Variants in PLCB1 observed in about 807,000 individuals in gnomAD.
PLCB1 encodes the protein phospholipase C beta 1, also known as 1-phosphatidylinositol 4,5-bisphosphate phosphodiesterase beta-1.
PLCB1 carries 46 observed loss-of-function variants against 161.8 expected under a neutral mutation model. The observed-to-expected ratio is 0.28, with a 90% CI of 0.22 to 0.36. PLCB1 has a LOEUF of 0.36. Ranked by LOEUF, PLCB1 falls within the 10% of genes least tolerant of loss-of-function variation. The pLI is 1.00. For synonymous variants in PLCB1, 517 were observed against 503.7 expected, an observed-to-expected ratio of 1.03 and a Z score of -0.35; for missense variants, 1,016 against 1,472.5, an observed-to-expected ratio of 0.69 and a Z score of 5.07.
chr20:8,798,633 A>G (rs1330691601), intron 31 of PLCB1, among the ~76,000 whole-genome samples: 1 of 152,218 alleles, frequency 6.6e-6, no homozygotes, highest in Admixed American at 6.5e-5. Flanking sequence ...GGAAGACCCA[A>G]TGGGCAGGGG....
intron 3 of PLCB1, among the ~76,000 whole-genome samples, chr20:8,533,549 T>G (rs1477922420): frequency 6.6e-6 from 1 of 152,058 alleles, no homozygotes; most frequent in Non-Finnish European, 1.5e-5. Flanking sequence ...GTTTAATGAT[T>G]GCCATTCTAA....
intron 13 of PLCB1, among the ~76,000 whole-genome samples, chr20:8,716,810 A>G (rs2076687): frequency 6.6e-6 from 1 of 151,930 alleles, no homozygotes; most frequent in Non-Finnish European, 1.5e-5. Context: ...CGCCCATTGC[A>G]TTGATGATAT....
In PLCB1 at chr20:8,198,955, C is replaced by G. The variant is rs186642650; in HGVS notation, c.177+48584C>G. 6.0e-3 allele frequency among the ~76,000 whole-genome samples: 916 copies of G among 151,876 alleles called. 10 individuals are homozygous for G. The highest frequency in any genetic ancestry group is 0.021 in the African/African-American group (875 of 41,456). ...ACACACACAGACAGACAGACAGACA[C>G]ACACACACACACACACGGACCCATT... On this transcript the variant is annotated intron_variant, in intron 2 of 31. Transcript: ENST00000338037.
At chr20:8,784,328 T>G (rs985848197) in intron 27 of PLCB1, among the ~76,000 whole-genome samples, 8 of 151,896 alleles carry the variant, frequency 5.3e-5, no homozygotes, top group Admixed American at 2.6e-4. Flanking sequence ...TTTGGGAGAC[T>G]GAGAAGGGCA....
intron 2 of PLCB1, among the ~76,000 whole-genome samples, chr20:8,193,742 C>T (rs1284290063): frequency 6.6e-6 from 1 of 152,014 alleles, no homozygotes; most frequent in Non-Finnish European, 1.5e-5. Context: ...TCTACCCTAA[C>T]ATTTATTCTC....
chr20:8,734,616 T>G (rs918665371), intron 19 of PLCB1, among the ~76,000 whole-genome samples: 1 of 151,948 alleles, frequency 6.6e-6, no homozygotes, highest in African/African-American at 2.4e-5. Flanking sequence ...AATTCTAAAT[T>G]TTTTTAGTCT....
At chr20:8,456,236 A>C (rs1981310571) in intron 3 of PLCB1, among the ~76,000 whole-genome samples, 1 of 152,198 alleles carries the variant, frequency 6.6e-6, no homozygotes, top group African/African-American at 2.4e-5. Flanking sequence ...GTCCTTACAT[A>C]GTGTCTTGAA....
At chr20:8,550,938 A>T (rs1985753443) in intron 3 of PLCB1, among the ~76,000 whole-genome samples, 1 of 152,148 alleles carries the variant, frequency 6.6e-6, no homozygotes, top group African/African-American at 2.4e-5. Flanking sequence ...TAAAAGATAC[A>T]TCTATCAGTT....
At chr20:8,875,158 CTTTA>C (rs1305774477) in intron 31 of PLCB1, among the ~76,000 whole-genome samples, 2 of 150,784 alleles carry the variant, frequency 1.3e-5, no homozygotes, top group Non-Finnish European at 3.0e-5. Context: ...CTATGAATTG[CTTTA>C]TTTATGCTCA....
intron 31 of PLCB1, among the ~76,000 whole-genome samples, chr20:8,814,235 T>C (rs1438714718): frequency 2.0e-5 from 3 of 152,328 alleles, no homozygotes; most frequent in Non-Finnish European, 1.5e-5. Context: ...AGAGTATAGA[T>C]GTGTGTGGTG....
At chr20:8,758,230 T>TAAA (rs11481234) in intron 24 of PLCB1, among the ~76,000 whole-genome samples, 21 of 141,686 alleles carry the variant, frequency 1.5e-4, no homozygotes, top group Non-Finnish European at 2.8e-4. Flanking sequence ...GAAAGAGAAT[T>TAAA]AAAAAAAAAA....
At position 8,741,582 on chromosome 20, in the gene PLCB1, G is replaced by T. The variant is rs780851746; in HGVS notation, c.2523+9G>T. Reference sequence around the variant, plus strand: ...AAGAAGTAAAGAAAGAGGTGAGAGGGTGTTTTAATTTTACATATAGCATTA... The same window carrying T: ...AAGAAGTAAAGAAAGAGGTGAGAGGTTGTTTTAATTTTACATATAGCATTA... On this transcript the variant is annotated intron_variant, in intron 23 of 31. Coordinates refer to ENST00000338037, the MANE Select transcript of PLCB1 (RefSeq NM_015192.4). 6.3e-7 allele frequency: 1 copy of T among 1,585,078 alleles called. No individual in the cohort carries two copies. Among genetic ancestry groups the T allele is most frequent in the Non-Finnish European group, 8.7e-7 (1 of 1,154,210 alleles).
chr20:8,729,287 TA>T, intron 18 of PLCB1, 113 bp downstream of exon 18: 1 of 963,884 alleles, frequency 1.0e-6, no homozygotes, highest in East Asian at 2.9e-5. Context: ...AAAAAATAAA[TA>T]AAAGCAAATT....
At position 8,732,596 on chromosome 20, in the gene PLCB1, A is replaced by ATTATATTCTAATATATT. The variant is rs1463581708; in HGVS notation, c.1889-642_1889-641insTTATATTCTAATATATT. Among the ~76,000 whole-genome samples, 16 of 144,770 alleles carry ATTATATTCTAATATATT rather than the reference A, an allele frequency of 1.1e-4. 1 individual carries two copies. The highest frequency in any genetic ancestry group is 2.8e-4 in the African/African-American group (11 of 39,090). 95.0% of individuals were successfully genotyped at this position (144,770 alleles called of 152,430 possible). ...TATATTCTAATATATTGTATTAGAT[A>ATTATATTCTAATATATT]GTGTATCATATTAGAAATTAGATAT... is the stretch of plus-strand genomic sequence containing the variant. On this transcript the variant is annotated intron_variant, in intron 18 of 31. Transcript: ENST00000338037.
intron 31 of PLCB1, among the ~76,000 whole-genome samples, chr20:8,855,215 TC>T (rs150598583): frequency 0.18 from 26,624 of 150,976 alleles, 2,455 homozygotes; most frequent in South Asian, 0.26. Context: ...AGCAGATTCT[TC>T]CCCCCCCACT....
intron 2 of PLCB1, among the ~76,000 whole-genome samples, chr20:8,193,380 A>G (rs1228603862): frequency 6.6e-6 from 1 of 152,004 alleles, no homozygotes; most frequent in African/African-American, 2.4e-5. Context: ...CAGCCATAGA[A>G]TACTATGCAG....
intron 25 of PLCB1, among the ~76,000 whole-genome samples, chr20:8,764,518 T>C (rs1352560351): frequency 6.6e-6 from 1 of 152,218 alleles, no homozygotes; most frequent in Non-Finnish European, 1.5e-5. Flanking sequence ...CCCAGATTCC[T>C]TGTACAGCTG....
intron 3 of PLCB1, among the ~76,000 whole-genome samples, chr20:8,457,272 G>GC (rs1981357474): frequency 6.6e-6 from 1 of 152,034 alleles, no homozygotes; most frequent in African/African-American, 2.4e-5. Context: ...GGTCATCTTG[G>GC]CCTCCTGTCC....
At chr20:8,228,775 T>C (rs1279512021) in intron 2 of PLCB1, among the ~76,000 whole-genome samples, 2 of 152,138 alleles carry the variant, frequency 1.3e-5, no homozygotes, top group Admixed American at 1.3e-4. Flanking sequence ...ATTTTTTAAT[T>C]GGCATATAAT....
Sources: allele counts gnomAD v4.1 joint callset (sites outside exome capture counted in the v4.1 genomes callset), GRCh38; gene constraint gnomAD v4.1.1; transcripts MANE v1.5; gene names NCBI Gene and HGNC (gene_info 2026-07-23, HGNC 2026-07-21).